Variants in CNTNAP2 observed in about 807,000 individuals in gnomAD.
CNTNAP2 encodes contactin-associated protein-like 2.
CNTNAP2 carries 98 observed loss-of-function variants against 155.2 expected under a neutral mutation model. The ratio of observed to expected loss-of-function variants is 0.63; its 90% confidence interval spans 0.54 to 0.75. The LOEUF (loss-of-function observed/expected upper bound fraction) is 0.75, where lower values mean the gene tolerates loss of function less well. Among genes scored for constraint, CNTNAP2 ranks in the 30% least tolerant of loss-of-function variants. CNTNAP2 has a pLI of 0.00. For missense variants in CNTNAP2, 1,727 were observed against 1,688.1 expected (o/e 1.02, Z -0.40); for synonymous variants, 651 against 631.2 (o/e 1.03, Z -0.47).
intron 1 of CNTNAP2, among the ~76,000 whole-genome samples, chr7:146,321,384 C>T (rs1199429862): frequency 2.0e-5 from 3 of 152,090 alleles, no homozygotes; most frequent in Non-Finnish European, 4.4e-5. Context: ...ACTTTAAAAT[C>T]GAGAACATCC....
intron 1 of CNTNAP2, among the ~76,000 whole-genome samples, chr7:146,205,823 T>C (rs1242247448): frequency 1.3e-5 from 2 of 151,926 alleles, no homozygotes; most frequent in South Asian, 4.1e-4. Flanking sequence ...AGGAATATGT[T>C]TTTTGTTCCT....
At chr7:147,014,164 C>T (rs1798677295) in intron 3 of CNTNAP2, among the ~76,000 whole-genome samples, 1 of 152,120 alleles carries the variant, frequency 6.6e-6, no homozygotes, top group Non-Finnish European at 1.5e-5. Context: ...TGTCTATGCT[C>T]ATTTTAATGT....
At chr7:147,282,641 A>C (rs1372374887) in intron 8 of CNTNAP2, among the ~76,000 whole-genome samples, 1 of 151,948 alleles carries the variant, frequency 6.6e-6, no homozygotes, top group Non-Finnish European at 1.5e-5. Context: ...AGGGAAAGCA[A>C]AACAAAATGG....
intron 9 of CNTNAP2, among the ~76,000 whole-genome samples, chr7:147,380,575 A>T (rs1158480346): frequency 6.6e-6 from 1 of 151,896 alleles, no homozygotes; most frequent in Non-Finnish European, 1.5e-5. Context: ...TCAAAGCCAA[A>T]AAAAAGGCAG....
rs1027785174 is a variant in CNTNAP2 at position 146,146,514 on chromosome 7, G to T, written c.97+29541G>T. ...CTTGTCAAGATTTGCCACATTATTTGCCTTGAAGTTATTTATTGCAAAGGG... is the reference window on the plus strand; with the variant it reads ...CTTGTCAAGATTTGCCACATTATTTTCCTTGAAGTTATTTATTGCAAAGGG... On this transcript the variant is annotated intron_variant, in intron 1 of 23. Transcript: ENST00000361727. Among the ~76,000 whole-genome samples, 3 of 151,818 alleles carry T rather than the reference G, an allele frequency of 2.0e-5. No homozygotes were observed. The East Asian group carries it at 5.8e-4, about 29-fold the overall frequency.
At chr7:147,168,149 A>G (rs1016938741) in intron 8 of CNTNAP2, among the ~76,000 whole-genome samples, 2 of 149,472 alleles carry the variant, frequency 1.3e-5, no homozygotes, top group Admixed American at 6.7e-5. Context: ...ATCTAATGTC[A>G]TGCATATATT....
intron 14 of CNTNAP2, among the ~76,000 whole-genome samples, chr7:147,962,744 A>G (rs2708282): frequency 0.8 from 122,450 of 152,172 alleles, 50,423 homozygotes; most frequent in South Asian, 0.92. Context: ...TAAGTAATGT[A>G]TAGTCCATTA....
At chr7:148,253,063 A>AGATAGATAGATG (rs2116819200) in intron 20 of CNTNAP2, among the ~76,000 whole-genome samples, 1 of 150,896 alleles carries the variant, frequency 6.6e-6, no homozygotes, top group Admixed American at 6.6e-5. Context: ...GATGATAGAT[A>AGATAGATAGATG]GATAGATAGA....
At chr7:146,222,831 TA>T (rs1420387885) in intron 1 of CNTNAP2, among the ~76,000 whole-genome samples, 9 of 151,742 alleles carry the variant, frequency 5.9e-5, no homozygotes, top group African/African-American at 2.2e-4. Flanking sequence ...AATTTTTTTA[TA>T]TTTTTTTTAG....
chr7:146,774,678 T>G (rs1351124221), intron 2 of CNTNAP2, among the ~76,000 whole-genome samples: 1 of 152,134 alleles, frequency 6.6e-6, no homozygotes, highest in South Asian at 2.1e-4. Flanking sequence ...AAAATTCCTA[T>G]TAATCAGAAA....
At chr7:146,605,189 T>C (rs1193459247) in intron 1 of CNTNAP2, among the ~76,000 whole-genome samples, 8 of 151,200 alleles carry the variant, frequency 5.3e-5, no homozygotes, top group African/African-American at 1.9e-4. Flanking sequence ...TCCATGGACA[T>C]AGAGACTATG....
intron 1 of CNTNAP2, among the ~76,000 whole-genome samples, chr7:146,163,499 CTATATATCTATATATATCTA>C (rs202172931): frequency 2.7e-4 from 25 of 91,992 alleles, no homozygotes; most frequent in African/African-American, 5.1e-4. Context: ...ATATCTATAT[CTATATATCTATATATATCTA>C]TATATATCTA....
chr7:147,391,999 G>A (rs1258044341), intron 9 of CNTNAP2, among the ~76,000 whole-genome samples: 1 of 152,010 alleles, frequency 6.6e-6, no homozygotes, highest in African/African-American at 2.4e-5. Flanking sequence ...ATAAACAGAA[G>A]ATGCCCGATG....
At chr7:147,553,094 G>A (rs1334666396) in intron 11 of CNTNAP2, among the ~76,000 whole-genome samples, 1 of 152,224 alleles carries the variant, frequency 6.6e-6, no homozygotes, top group Non-Finnish European at 1.5e-5. Context: ...GTAGGTATCA[G>A]TGACATTCTT....
intron 8 of CNTNAP2, among the ~76,000 whole-genome samples, chr7:147,297,307 A>G (rs1024698718): frequency 1.5e-5 from 2 of 133,098 alleles, no homozygotes; most frequent in African/African-American, 5.8e-5. Context: ...TGTACCAGAC[A>G]TGGTTTTAAC....
chr7:148,034,773 G>C (rs1443809354), intron 15 of CNTNAP2, among the ~76,000 whole-genome samples: 1 of 152,206 alleles, frequency 6.6e-6, no homozygotes, highest in Non-Finnish European at 1.5e-5. Context: ...AGAACATTTA[G>C]GGTAATTCTG....
At chr7:147,929,092 CAAAAAAA>C (rs66584239) in intron 14 of CNTNAP2, among the ~76,000 whole-genome samples, 4 of 34,632 alleles carry the variant, frequency 1.2e-4, no homozygotes, top group East Asian at 2.3e-3. Context: ...AACTCCATCC[CAAAAAAA>C]AAAAAAAAAA....
chr7:147,258,001 G>A (rs1386412464), intron 8 of CNTNAP2, among the ~76,000 whole-genome samples: 1 of 152,158 alleles, frequency 6.6e-6, no homozygotes, highest in Non-Finnish European at 1.5e-5. Context: ...ACATCTTAGT[G>A]TTTAGATGGG....
intron 1 of CNTNAP2, 27 bp from the exon 2 acceptor site, chr7:146,774,244 C>G: frequency 3.0e-5 from 46 of 1,523,518 alleles, no homozygotes; most frequent in Non-Finnish European, 4.0e-5. Context: ...TTGAGTGTCT[C>G]TCTCCCTCTC....
Sources: allele counts gnomAD v4.1 joint callset (sites outside exome capture counted in the v4.1 genomes callset), GRCh38; gene constraint gnomAD v4.1.1; transcripts MANE v1.5; gene names NCBI Gene and HGNC (gene_info 2026-07-23, HGNC 2026-07-21).